Variants in SLC6A3 observed in about 807,000 individuals in gnomAD.
The protein encoded by SLC6A3 is solute carrier family 6 member 3.
SLC6A3 carries 19 observed loss-of-function variants against 70.4 expected under a neutral mutation model. The observed-to-expected ratio is 0.27, with a 90% confidence interval of 0.19 to 0.40. The LOEUF (loss-of-function observed/expected upper bound fraction) is 0.40. Ranked by LOEUF, SLC6A3 falls within the 10% of genes least tolerant of loss-of-function variation. The pLI is 1.00. For missense variants in SLC6A3, 613 were observed against 838.5 expected (o/e 0.73, Z 3.32); for synonymous variants, 368 against 356.6 (o/e 1.03, Z -0.36).
chr5:1,443,746 A>C (rs894851208), intron 1 of SLC6A3, among the ~76,000 whole-genome samples: 8 of 151,910 alleles, frequency 5.3e-5, no homozygotes, highest in African/African-American at 1.9e-4. Flanking sequence ...ATTACAACTC[A>C]CTGCCTCAAC....
intron 6 of SLC6A3, among the ~76,000 whole-genome samples, chr5:1,418,851 C>T (rs956845831): frequency 2.1e-5 from 3 of 144,536 alleles, no homozygotes; most frequent in African/African-American, 7.6e-5. Context: ...CACCCGTCAT[C>T]CATCCATTAT....
intron 4 of SLC6A3, among the ~76,000 whole-genome samples, chr5:1,423,228 C>T (rs1756499541): frequency 1.0e-5 from 1 of 99,874 alleles, no homozygotes; most frequent in Non-Finnish European, 2.0e-5. Flanking sequence ...CCACCGCTGC[C>T]CACGGTGCTG....
intron 11 of SLC6A3, among the ~76,000 whole-genome samples, chr5:1,407,773 G>A (rs1028058614): frequency 6.6e-6 from 1 of 152,226 alleles, no homozygotes; most frequent in Admixed American, 6.5e-5. Context: ...ACCCGTGAAA[G>A]TACGAGGTTG....
In SLC6A3 at chr5:1,432,456, C is replaced by G; in HGVS notation, c.653+8G>C. 6.2e-7 allele frequency: 1 copy of G among 1,608,572 alleles called. No individual in the cohort carries two copies. The highest frequency in any genetic ancestry group is 1.1e-5 in the South Asian group (1 of 90,978). On this transcript the variant is annotated splice_region_variant and intron_variant, in intron 4 of 14. Transcript: ENST00000270349. ...TCTCCCGTTCCCGAGGACCCGACTC[C>G]CACTTACTCAAAGTACTCGGCAGCA...
chr5:1,412,306 G>A (rs994397487), intron 8 of SLC6A3, among the ~76,000 whole-genome samples: 2 of 152,252 alleles, frequency 1.3e-5, no homozygotes, highest in African/African-American at 4.8e-5. Context: ...TATTGAGACA[G>A]GCTCCTGTCA....
In SLC6A3 at chr5:1,421,135, C is replaced by G. The variant is rs529652281; in HGVS notation, c.793-432G>C. On this transcript the variant is annotated intron_variant, in intron 5 of 14. Transcript: ENST00000270349. The surrounding 1 kb of genome is among the most constrained non-coding windows in gnomAD (Gnocchi z 7.2). ...ACACGCACTTTTCCAAGGGAGGAGT[C>G]GTATCTTGGTCAAAACTGGTTTTGG... Among the ~76,000 whole-genome samples, 1 of 151,250 alleles carries G rather than the reference C, an allele frequency of 6.6e-6. No homozygotes were observed. The highest frequency in any genetic ancestry group is 1.5e-5 in the Non-Finnish European group (1 of 67,934).
rs1402283465 is a variant in SLC6A3, at chr5:1,406,356, G to C, written c.1499-68C>G. 2 of 1,357,704 alleles carry C rather than the reference G, an allele frequency of 1.5e-6. No individual in the cohort carries two copies. The highest frequency in any genetic ancestry group is 2.9e-5 in the African/African-American group (2 of 69,748). 84.1% of individuals were successfully genotyped at this position (1,357,704 alleles called of 1,614,324 possible). A position where few individuals can be genotyped will look rare whatever the true frequency, so the allele number is the denominator to read the frequency against. On this transcript the variant is annotated intron_variant, in intron 11 of 14. Coordinates refer to ENST00000270349, the MANE Select transcript of SLC6A3 (RefSeq NM_001044.5). The surrounding 1 kb of genome is among the most constrained non-coding windows in gnomAD (Gnocchi z 8.8). The stretch of plus-strand genomic sequence containing the variant: ...ATTCCCCCGATGCTGGACACGTGTG[G>C]GGGTCCTCGCTGACTCCCAAGGGCC...
intron 2 of SLC6A3, among the ~76,000 whole-genome samples, chr5:1,441,828 C>A (rs970040402): frequency 6.6e-6 from 1 of 152,134 alleles, no homozygotes; most frequent in Non-Finnish European, 1.5e-5. Context: ...CCCTGGCCTG[C>A]GTCCCCCCAC....
Position 1,413,954 on chromosome 5 carries a change from C to G in SLC6A3, c.1156+737G>C, listed in dbSNP as rs933111917. ...TCTTGCTGTGGCCAAGGCCTCCCCCCACCACTCACCTGTGCCTGCCCGAGA... is the reference window on the plus strand; with the variant it reads ...TCTTGCTGTGGCCAAGGCCTCCCCCGACCACTCACCTGTGCCTGCCCGAGA... On this transcript the variant is annotated intron_variant, in intron 8 of 14. Coordinates refer to ENST00000270349, the MANE Select transcript of SLC6A3 (RefSeq NM_001044.5). This position sits in a 1 kb window ranked among gnomAD's most constrained non-coding sequence, Gnocchi z 7.1. Among the ~76,000 whole-genome samples the G allele has an allele frequency of 2.0e-5, 3 of 152,214 alleles. No homozygotes were observed. The highest frequency in any genetic ancestry group is 1.9e-4 in the East Asian group (1 of 5,196).
Position 1,405,158 on chromosome 5 carries a change from C to T in SLC6A3, c.1599+1030G>A, listed in dbSNP as rs1242398154. On this transcript the variant is annotated intron_variant, in intron 12 of 14. Transcript: ENST00000270349. The surrounding 1 kb of genome is among the most constrained non-coding windows in gnomAD (Gnocchi z 5.3). ...CAGTTAACTGGACTTGGAACACTTA[C>T]GTGCAGCCACACCACGCGGCCTGGA... is the stretch of plus-strand genomic sequence containing the variant. 1.3e-5 allele frequency among the ~76,000 whole-genome samples: 2 copies of T among 152,224 alleles called. No individual in the cohort carries two copies. The highest frequency in any genetic ancestry group is 4.8e-5 in the African/African-American group (2 of 41,460).
At position 1,438,581 on chromosome 5, in the gene SLC6A3, C is replaced by T. The variant is rs189538439; in HGVS notation, c.418+2778G>A. 7.2e-5 allele frequency among the ~76,000 whole-genome samples: 11 copies of T among 152,338 alleles called. No individual in the cohort carries two copies. The highest frequency in any genetic ancestry group is 1.7e-4 in the African/African-American group (7 of 41,574). On this transcript the variant is annotated intron_variant, in intron 3 of 14. Coordinates refer to ENST00000270349, the MANE Select transcript of SLC6A3 (RefSeq NM_001044.5). This position sits in a 1 kb window ranked among gnomAD's most constrained non-coding sequence, Gnocchi z 6.5. ...TGGACTACACCATGAAGACCCACAA[C>T]GGCAGCTTTGTTGGTGAACATCCTT...
chr5:1,400,840 T>A (rs1755831904), intron 14 of SLC6A3, 75 bp downstream of exon 14: 3 of 1,100,252 alleles, frequency 2.7e-6, no homozygotes, highest in Non-Finnish European at 4.0e-6. Flanking sequence ...CGGAGCCCCC[T>A]GGGGGCTAAG....
In SLC6A3 at chr5:1,416,023, A is replaced by G. The variant is rs1002635446; in HGVS notation, c.1031+75T>C. On this transcript the variant is annotated intron_variant, in intron 7 of 14. Coordinates refer to ENST00000270349, the MANE Select transcript of SLC6A3 (RefSeq NM_001044.5). ...GGATCCGCCCTGTTCTCATCCAGGG[A>G]CACCCTATTTCTGGAAGTCAGCGAC... 9.8e-6 allele frequency: 11 copies of G among 1,121,930 alleles called. No homozygotes were observed. In the African/African-American group the frequency reaches 1.5e-4, roughly 16 times the overall value. 69.5% of individuals were successfully genotyped at this position (1,121,930 alleles called of 1,614,324 possible).
At position 1,394,509 on chromosome 5, in the gene SLC6A3, G is replaced by T; in HGVS notation, c.*226C>A. On this transcript the variant is annotated 3_prime_UTR_variant, in exon 15 of 15. Coordinates refer to ENST00000270349, the MANE Select transcript of SLC6A3 (RefSeq NM_001044.5). This position sits in a 1 kb window ranked among gnomAD's most constrained non-coding sequence, Gnocchi z 4.7. ...ACAACGGGGTGGACCTCGCTGCACA[G>T]ATCTACGTCGTTATTACAGCAACAC... The T allele has an allele frequency of 1.5e-6, 1 of 652,432 alleles. No individual in the cohort carries two copies. The allele number at this position is 652,432 out of a possible 1,614,324, so 40.4% of individuals were successfully genotyped here.
intron 4 of SLC6A3, among the ~76,000 whole-genome samples, chr5:1,429,836 C>T (rs181648080): frequency 3.2e-4 from 48 of 152,318 alleles, no homozygotes; most frequent in Non-Finnish European, 5.9e-4. Context: ...AGAGCACATG[C>T]AGCCCAGGCC....
At chr5:1,416,253 G>A (rs1424955700) in intron 6 of SLC6A3, 52 bp from the exon 7 acceptor site, 1 of 1,390,554 alleles carries the variant, frequency 7.2e-7, no homozygotes, top group South Asian at 1.2e-5. Context: ...GCAGGCCACA[G>A]GCAAAGGACC....
intron 4 of SLC6A3, among the ~76,000 whole-genome samples, chr5:1,431,880 T>C (rs955817917): frequency 6.6e-6 from 1 of 152,066 alleles, no homozygotes. Context: ...GAGACAGAAA[T>C]AAAGCCATGC....
chr5:1,441,322 C>T lies in SLC6A3; in HGVS notation c.418+37G>A, dbSNP rs201120900. 2.6e-4 allele frequency: 414 copies of T among 1,613,456 alleles called. No homozygotes were observed. In the African/African-American group the frequency reaches 2.6e-3, roughly 10 times the overall value. On this transcript the variant is annotated intron_variant, in intron 3 of 14. Transcript: ENST00000270349. ...GCTCCAGCGTCACCACCATGATCCG[C>T]GCTGCGCCAGGGTGAAGGGAGGCAC... is the stretch of plus-strand genomic sequence containing the variant.
rs957019545 is a variant in SLC6A3, at chr5:1,437,183, G to A, written c.418+4176C>T. Reference sequence around the variant, plus strand: ...GGAGAATCGCTTGAACCCGGGACGCGCAGGTGACAGTGAGCCAAGATCGCG... The same window carrying A: ...GGAGAATCGCTTGAACCCGGGACGCACAGGTGACAGTGAGCCAAGATCGCG... On this transcript the variant is annotated intron_variant, in intron 3 of 14. Transcript: ENST00000270349. The surrounding 1 kb of genome is among the most constrained non-coding windows in gnomAD (Gnocchi z 4.8). Among the ~76,000 whole-genome samples, 20 of 151,568 alleles carry A rather than the reference G, an allele frequency of 1.3e-4. No homozygotes were observed. Among genetic ancestry groups the A allele is most frequent in the African/African-American group, 3.9e-4 (16 of 41,322 alleles).
Sources: gnomAD v4.1 joint callset for allele counts (sites outside exome capture counted in the v4.1 genomes callset) on GRCh38, gnomAD v4.1.1 for gene constraint, Gnocchi (gnomAD v3.1) non-coding constraint, MANE v1.5 for transcripts, NCBI Gene and HGNC (gene_info 2026-07-23, HGNC 2026-07-21) for gene names.